Variants in BSCL2 observed in about 807,000 individuals in gnomAD.
The protein encoded by BSCL2 is seipin.
In BSCL2, 41 loss-of-function variants were observed where a neutral mutation model predicts 57.4. The observed-to-expected ratio is 0.71, with a 90% CI of 0.56 to 0.93. The LOEUF is 0.93. Among genes scored for constraint, BSCL2 ranks in the 40% least tolerant of loss-of-function variants. The pLI is 0.00. For missense variants in BSCL2, 539 were observed against 586.7 expected (o/e 0.92, Z 0.84); for synonymous variants, 237 against 227.3 (o/e 1.04, Z -0.38).
Position 62,702,390 on chromosome 11 carries a change from T to C in BSCL2, c.486+78A>G, listed in dbSNP as rs1249577827. The C allele has an allele frequency of 2.9e-5, 38 of 1,330,642 alleles. No individual in the cohort carries two copies. In the South Asian group the frequency reaches 4.5e-4, roughly 16 times the overall value. 82.4% of individuals were successfully genotyped at this position (1,330,642 alleles called of 1,614,324 possible). A position where few individuals can be genotyped will look rare whatever the true frequency, so the allele number is the denominator to read the frequency against. On this transcript the variant is annotated intron_variant, in intron 3 of 10. Coordinates refer to ENST00000360796, the MANE Select transcript of BSCL2 (RefSeq NM_001122955.4). ...CAGTCTCTTATTACTCAATTCCTTC[T>C]CTCTAGGCCTTTCTCAAGTCTTCCT...
upstream of BSCL2, chr11:62,709,117 G>A (rs1297427480): frequency 4.2e-6 from 2 of 480,262 alleles, no homozygotes; most frequent in Non-Finnish European, 8.1e-6. Flanking sequence ...AATGGAGAGG[G>A]ATGGGCCAGG....
In BSCL2 at chr11:62,705,336, T is replaced by C. The variant is rs199982733; in HGVS notation, c.369A>G (p.Thr123=). ...AATGCACAGGGCTGAGGTGGCTGACTGTCGGCATATAGGAATAGTAGAAGG... is the reference window on the plus strand; with the variant it reads ...AATGCACAGGGCTGAGGTGGCTGACCGTCGGCATATAGGAATAGTAGAAGG... ...YGSFYYSYMP[T]VSHLSPVHFY... is the part of the protein sequence containing the mutation. The change falls in exon 2 of 11, where the codon ACA becomes ACG. Residue 123 remains threonine (T), a synonymous_variant. Coordinates refer to ENST00000360796, the MANE Select transcript of BSCL2 (RefSeq NM_001122955.4). 1.3e-5 allele frequency: 21 copies of C among 1,613,740 alleles called. No individual in the cohort carries two copies.
chr11:62,705,893 G>A, intron 1 of BSCL2: 1 of 466,134 alleles, frequency 2.1e-6, no homozygotes. Flanking sequence ...CTCATTCACA[G>A]CTATATAACA....
chr11:62,705,482 G>A lies in BSCL2; in HGVS notation c.223C>T (p.Leu75=). 6.2e-7 allele frequency: 1 copy of A among 1,614,212 alleles called. No individual in the cohort carries two copies. Among genetic ancestry groups the A allele is most frequent in the Non-Finnish European group, 8.5e-7 (1 of 1,180,028 alleles). Residue 75 remains leucine (L), a synonymous_variant, in exon 2 of 11, where the codon CTG becomes TTG. Transcript: ENST00000360796. The stretch of plus-strand genomic sequence containing the variant: ...ACTTGGCCCACCTCCTGGGCCCACA[G>A]TAAGGCAGGTACTGGAGGGTCGTTG... ...MVNDPPVPAL[L]WAQEVGQVLA...
chr11:62,707,133 CT>C lies in BSCL2; in HGVS notation c.62del (p.Gln21ArgfsTer135), dbSNP rs1565154297. The C allele has an allele frequency of 1.3e-6, 2 of 1,554,570 alleles. No individual in the cohort carries two copies. Among genetic ancestry groups the C allele is most frequent in the Non-Finnish European group, 1.7e-6 (2 of 1,147,842 alleles). ...CCTCCTCTTTGTCCGGTCCTTTGATCTGGTCTCCGCACACCTCTTTTTCCCC... is the reference window on the plus strand; with the variant it reads ...CCTCCTCTTTGTCCGGTCCTTTGATCGGTCTCCGCACACCTCTTTTTCCCC... ...EAGEKEVCGD[Q>X]IKGPDKEEEP... On this transcript the variant is annotated frameshift_variant, in exon 1 of 11. Coordinates refer to ENST00000360796, the MANE Select transcript of BSCL2 (RefSeq NM_001122955.4). LOFTEE classifies it high-confidence loss of function.
At chr11:62,700,302 G>A (rs1945599716) in intron 3 of BSCL2, among the ~76,000 whole-genome samples, 1 of 151,896 alleles carries the variant, frequency 6.6e-6, no homozygotes, top group African/African-American at 2.4e-5. Flanking sequence ...TCAAAAGTGT[G>A]ACATTCTATC....
intron 3 of BSCL2, among the ~76,000 whole-genome samples, chr11:62,698,941 C>G (rs1304668371): frequency 1.3e-5 from 2 of 152,174 alleles, no homozygotes; most frequent in African/African-American, 2.4e-5. Flanking sequence ...GAGTCTTGCT[C>G]TGTCGCCAGG....
chr11:62,700,189 C>T (rs1392456923), intron 3 of BSCL2, among the ~76,000 whole-genome samples: 2 of 151,262 alleles, frequency 1.3e-5, no homozygotes, highest in Non-Finnish European at 2.9e-5. Context: ...TGCAGCGAGC[C>T]GTGATCGTAT....
chr11:62,695,273 C>T (rs1161656679), intron 3 of BSCL2, among the ~76,000 whole-genome samples: 1 of 152,112 alleles, frequency 6.6e-6, no homozygotes, highest in Admixed American at 6.6e-5. Flanking sequence ...CCAAACATGC[C>T]CTAGTTTTTC....
At chr11:62,699,308 C>A (rs1438384830) in intron 3 of BSCL2, among the ~76,000 whole-genome samples, 1 of 152,176 alleles carries the variant, frequency 6.6e-6, no homozygotes, top group Non-Finnish European at 1.5e-5. Flanking sequence ...CACCTTTCTC[C>A]TGCCTCAGCC....
chr11:62,702,988 T>C (rs1379149198), intron 2 of BSCL2, among the ~76,000 whole-genome samples: 1 of 151,952 alleles, frequency 6.6e-6, no homozygotes, highest in Non-Finnish European at 1.5e-5. Flanking sequence ...CCATCTCTAC[T>C]AAAAATACAA....
chr11:62,695,208 C>T (rs1305499137), intron 3 of BSCL2, among the ~76,000 whole-genome samples: 3 of 152,168 alleles, frequency 2.0e-5, no homozygotes, highest in Admixed American at 6.6e-5. Flanking sequence ...CCCCAAGACT[C>T]AGAGTAGGAA....
At chr11:62,708,549 G>A, upstream of BSCL2, 1 of 1,354,194 alleles carries the variant, frequency 7.4e-7, no homozygotes, top group Non-Finnish European at 1.0e-6. Context: ...CCAGGCCTCT[G>A]GGGGGGATGA....
At chr11:62,706,307 C>G in intron 1 of BSCL2, 1 of 1,116,868 alleles carries the variant, frequency 9.0e-7, no homozygotes, top group South Asian at 2.0e-5. Context: ...TTCCGGCTCC[C>G]GGGGAAGTCC....
At chr11:62,697,955 T>TG (rs1565148242) in intron 3 of BSCL2, among the ~76,000 whole-genome samples, 1 of 150,252 alleles carries the variant, frequency 6.7e-6, no homozygotes, top group Non-Finnish European at 1.5e-5. Flanking sequence ...TCGCCCAGGC[T>TG]GGAGTGCAGT....
In BSCL2 at chr11:62,691,299, C is replaced by T. The variant is rs771322168; in HGVS notation, c.986G>A (p.Arg329Gln). The part of the protein sequence containing the change: ...MQWVWGGIWP[R>Q]HRFSLQVNIR... The stretch of plus-strand genomic sequence containing the variant: ...TTCGACCTGCAAAGAGAAGCGGTGT[C>T]GGGGCCAGATGCCCCCCCACACCCA... Residue 329 changes from arginine (R) to glutamine (Q), a missense_variant, in exon 7 of 11, where the codon CGA becomes CAA. Around this residue, in one of 3 missense-constraint regions of BSCL2, gnomAD observed 248 missense variants for 239.9 expected, o/e 1.03. Coordinates refer to ENST00000360796, the MANE Select transcript of BSCL2 (RefSeq NM_001122955.4). 57 of 1,614,036 alleles carry T rather than the reference C, an allele frequency of 3.5e-5. No individual in the cohort carries two copies. The East Asian group carries it at 9.8e-4, about 28-fold the overall frequency.
intron 3 of BSCL2, among the ~76,000 whole-genome samples, chr11:62,695,838 CACT>C (rs1038452851): frequency 6.6e-6 from 1 of 151,682 alleles, no homozygotes; most frequent in Non-Finnish European, 1.5e-5. Context: ...TGGTTGACAC[CACT>C]GATAGGGGCC....
At chr11:62,692,329 AG>A in intron 6 of BSCL2, 46 bp downstream of exon 6, 6 of 1,584,628 alleles carry the variant, frequency 3.8e-6, no homozygotes, top group South Asian at 3.3e-5. Context: ...GTGGAAGGTT[AG>A]CCCCCGTGAA....
intron 4 of BSCL2, among the ~76,000 whole-genome samples, chr11:62,694,268 A>G (rs1945388057): frequency 7.9e-6 from 1 of 127,164 alleles, no homozygotes; most frequent in Non-Finnish European, 1.5e-5. Flanking sequence ...TAGTGGTGCA[A>G]TCTTGGCTCA....
Sources: gnomAD v4.1 joint callset for allele counts (sites outside exome capture counted in the v4.1 genomes callset) on GRCh38, gnomAD v4.1.1 for gene constraint, gnomAD v4.1.1 regional missense constraint, MANE v1.5 for transcripts, NCBI Gene and HGNC (gene_info 2026-07-23, HGNC 2026-07-21) for gene names.